The following CHRM3 variants were observed in gnomAD, a reference collection of about 807,000 sequenced individuals.
The protein encoded by CHRM3 is cholinergic receptor muscarinic 3.
CHRM3 carries 11 observed loss-of-function variants against 41.8 expected under a neutral mutation model. The ratio of observed to expected loss-of-function variants is 0.26; its 90% CI spans 0.17 to 0.44. CHRM3 has a LOEUF of 0.44. Ranked by LOEUF, CHRM3 falls within the 20% of genes least tolerant of loss-of-function variation. The probability of loss-of-function intolerance (pLI) is 1.00; values close to 1 mark genes in which losing one functional copy is unlikely to be tolerated. For synonymous variants in CHRM3, 297 were observed against 301.4 expected (o/e 0.99, Z 0.15); for missense variants, 571 against 745.4 (o/e 0.77, Z 2.72).
chr1:239,746,749 A>G (rs1213089873), intron 5 of CHRM3, among the ~76,000 whole-genome samples: 2 of 151,068 alleles, frequency 1.3e-5, no homozygotes, highest in Non-Finnish European at 1.5e-5. Context: ...TTATTACTCT[A>G]TTTCTTTCTT....
Position 239,912,718 on chromosome 1 carries a change from A to G in CHRM3, c.*3494A>G, listed in dbSNP as rs558065834. ...AGTGGCACAGAGAAGGATTCCAGGG[A>G]TCAGTCAGGGTGTCCTGTACCTATC... On this transcript the variant is annotated 3_prime_UTR_variant, in exon 7 of 7. Coordinates refer to ENST00000676153, the MANE Select transcript of CHRM3 (RefSeq NM_001375978.1). 5 of 167,316 alleles carry G rather than the reference A, an allele frequency of 3.0e-5. No homozygotes were observed. The highest frequency in any genetic ancestry group is 1.2e-4 in the African/African-American group (5 of 41,598). 10.4% of individuals were successfully genotyped at this position (167,316 alleles called of 1,614,324 possible).
At chr1:239,412,090 TTAATA>T (rs1661121604) in intron 1 of CHRM3, among the ~76,000 whole-genome samples, 3 of 151,520 alleles carry the variant, frequency 2.0e-5, no homozygotes, top group Non-Finnish European at 4.4e-5. Flanking sequence ...ATATTTAATA[TTAATA>T]TGTTTTGACT....
At position 239,404,350 on chromosome 1, in the gene CHRM3, G is replaced by GAGAAAGAAAGAA. The variant is rs1178581793; in HGVS notation, c.-521+17173_-521+17184dup. ...GAAGGAAGGAAGAAAGAAAGAGAAA[G>GAGAAAGAAAGAA]AGAAAGAAAGAAAGAAAGAAAGAAA... On this transcript the variant is annotated intron_variant, in intron 1 of 6. Coordinates refer to ENST00000676153, the MANE Select transcript of CHRM3 (RefSeq NM_001375978.1). Among the ~76,000 whole-genome samples, 52 of 68,770 alleles carry GAGAAAGAAAGAA rather than the reference G, an allele frequency of 7.6e-4. 2 individuals are homozygous for GAGAAAGAAAGAA. Among genetic ancestry groups the GAGAAAGAAAGAA allele is most frequent in the East Asian group, 3.3e-3 (8 of 2,436 alleles). The allele number at this position is 68,770 out of a possible 152,430, so 45.1% of individuals were successfully genotyped here. A position where few individuals can be genotyped will look rare whatever the true frequency, so the allele number is the denominator to read the frequency against.
At chr1:239,763,600 A>G (rs1044284779) in intron 5 of CHRM3, among the ~76,000 whole-genome samples, 1 of 152,208 alleles carries the variant, frequency 6.6e-6, no homozygotes, top group African/African-American at 2.4e-5. Flanking sequence ...AAGTGCTATG[A>G]AATGGGAGGC....
chr1:239,805,864 A>G (rs1475627481), intron 5 of CHRM3, among the ~76,000 whole-genome samples: 3 of 152,316 alleles, frequency 2.0e-5, no homozygotes, highest in Admixed American at 2.0e-4. Flanking sequence ...CTAACATAAA[A>G]GCACTTGATT....
rs560402143 is a variant in CHRM3 at position 239,683,890 on chromosome 1, GA to G, written c.-147+5612del. 7.0e-4 allele frequency among the ~76,000 whole-genome samples: 103 copies of G among 146,470 alleles called. No homozygotes were observed. In the South Asian group the frequency reaches 0.014, roughly 20 times the overall value. On this transcript the variant is annotated intron_variant, in intron 5 of 6. Coordinates refer to ENST00000676153, the MANE Select transcript of CHRM3 (RefSeq NM_001375978.1). ...TATATTGCTTCACTTTTGCATTTTA[GA>G]AAAAAAAAAGATGGTCCAAAGCAAT...
chr1:239,640,751 G>C (rs1268370169), intron 4 of CHRM3, among the ~76,000 whole-genome samples: 1 of 150,266 alleles, frequency 6.7e-6, no homozygotes. Context: ...AGGGCTTTTT[G>C]TGTCTCTATT....
chr1:239,392,161 T>C (rs1173583595), intron 1 of CHRM3, among the ~76,000 whole-genome samples: 2 of 152,230 alleles, frequency 1.3e-5, no homozygotes, highest in Non-Finnish European at 2.9e-5. Context: ...CTTTCTATTC[T>C]GTCTCTGATT....
At chr1:239,522,445 G>A (rs1669716504) in intron 2 of CHRM3, among the ~76,000 whole-genome samples, 1 of 152,178 alleles carries the variant, frequency 6.6e-6, no homozygotes, top group Non-Finnish European at 1.5e-5. Flanking sequence ...CTGCATGAAA[G>A]ACCTTAAATG....
intron 5 of CHRM3, among the ~76,000 whole-genome samples, chr1:239,684,591 C>A (rs1045309378): frequency 2.0e-5 from 3 of 149,824 alleles, no homozygotes; most frequent in African/African-American, 7.4e-5. Context: ...GCAGAGGTTG[C>A]AGTGAGCTGA....
chr1:239,402,534 GT>G (rs1660068963), intron 1 of CHRM3, among the ~76,000 whole-genome samples: 1 of 152,122 alleles, frequency 6.6e-6, no homozygotes, highest in African/African-American at 2.4e-5. Flanking sequence ...TCCCCGCTCT[GT>G]CATGTCACTG....
At chr1:239,404,304 A>C (rs1253234920) in intron 1 of CHRM3, among the ~76,000 whole-genome samples, 1 of 146,860 alleles carries the variant, frequency 6.8e-6, no homozygotes, top group Non-Finnish European at 1.5e-5. Flanking sequence ...AAAAGAAAGG[A>C]GAGAGAAGAA....
chr1:239,430,539 A>C (rs1313589192), intron 1 of CHRM3, among the ~76,000 whole-genome samples: 3 of 152,204 alleles, frequency 2.0e-5, no homozygotes, highest in Admixed American at 6.5e-5. Context: ...GTTCAGCTTA[A>C]TTTAGGAAGA....
intron 3 of CHRM3, among the ~76,000 whole-genome samples, chr1:239,606,451 T>A (rs1666298734): frequency 6.6e-6 from 1 of 152,132 alleles, no homozygotes; most frequent in African/African-American, 2.4e-5. Context: ...TATTTTTGTA[T>A]TTTTAGTAGA....
intron 1 of CHRM3, among the ~76,000 whole-genome samples, chr1:239,492,266 TCTC>T (rs1189168420): frequency 1.3e-5 from 2 of 152,180 alleles, no homozygotes; most frequent in African/African-American, 4.8e-5. Context: ...TTCTTGCTCT[TCTC>T]CTTTGAAAAC....
chr1:239,769,306 A>G (rs1002485394), intron 5 of CHRM3, among the ~76,000 whole-genome samples: 9 of 152,128 alleles, frequency 5.9e-5, no homozygotes, highest in Non-Finnish European at 7.4e-5. Flanking sequence ...TATGATCTCA[A>G]AGGTCTCAGG....
chr1:239,707,266 C>T (rs1459905380), intron 5 of CHRM3: 1 of 152,146 alleles, frequency 6.6e-6, no homozygotes, highest in African/African-American at 2.4e-5. Flanking sequence ...CCAGACATTT[C>T]TCCTGGTAGA....
At chr1:239,539,689 G>T (rs1032088242) in intron 2 of CHRM3, among the ~76,000 whole-genome samples, 2 of 152,142 alleles carry the variant, frequency 1.3e-5, no homozygotes, top group Admixed American at 6.5e-5. Context: ...GAGTGCAGGG[G>T]CCCCATCTTG....
intron 6 of CHRM3, among the ~76,000 whole-genome samples, chr1:239,832,025 C>T (rs1424846238): frequency 6.6e-6 from 1 of 152,140 alleles, no homozygotes; most frequent in African/African-American, 2.4e-5. Context: ...CATTTTTTGG[C>T]TTGTGACCTT....
Sources: gnomAD v4.1 joint callset for allele counts (sites outside exome capture counted in the v4.1 genomes callset) on GRCh38, gnomAD v4.1.1 for gene constraint, MANE v1.5 for transcripts, NCBI Gene and HGNC (gene_info 2026-07-23, HGNC 2026-07-21) for gene names.